Variants in ADAMTS16 observed in about 807,000 individuals in gnomAD.
ADAMTS16 encodes ADAM metallopeptidase with thrombospondin type 1 motif 16.
In ADAMTS16, 94 loss-of-function variants were observed where a neutral mutation model predicts 145.8. That is an observed-to-expected ratio of 0.64 (90% CI 0.55 to 0.77). The LOEUF (loss-of-function observed/expected upper bound fraction) is 0.77, where lower values mean the gene tolerates loss of function less well. Among genes scored for constraint, ADAMTS16 ranks in the 30% least tolerant of loss-of-function variants. The pLI is 0.00. For missense variants in ADAMTS16, 1,585 were observed against 1,591.5 expected (o/e 1.00, Z 0.07); for synonymous variants, 659 against 604.3 (o/e 1.09, Z -1.33).
At chr5:5,304,503 A>G (rs895670491) in intron 20 of ADAMTS16, among the ~76,000 whole-genome samples, 3 of 152,086 alleles carry the variant, frequency 2.0e-5, no homozygotes, top group Non-Finnish European at 4.4e-5. Flanking sequence ...GATCACCGTA[A>G]CCCAGAGCTG....
chr5:5,194,947 G>A (rs755487373), intron 8 of ADAMTS16, among the ~76,000 whole-genome samples: 2 of 152,178 alleles, frequency 1.3e-5, no homozygotes, highest in African/African-American at 2.4e-5. Context: ...TATTTGGGAT[G>A]GAGGAGTACT....
intron 3 of ADAMTS16, among the ~76,000 whole-genome samples, chr5:5,163,488 G>C (rs1734792125): frequency 6.6e-6 from 1 of 152,192 alleles, no homozygotes; most frequent in Non-Finnish European, 1.5e-5. Context: ...ACTGGGGCTG[G>C]AATTTATGAA....
intron 11 of ADAMTS16, among the ~76,000 whole-genome samples, chr5:5,228,625 A>G (rs1736834004): frequency 1.3e-5 from 2 of 152,174 alleles, no homozygotes; most frequent in Middle Eastern, 3.2e-3. Flanking sequence ...CAATAAAAGG[A>G]GCCAGAACTT....
chr5:5,198,914 G>T (rs901885999), intron 8 of ADAMTS16, among the ~76,000 whole-genome samples: 5 of 152,148 alleles, frequency 3.3e-5, no homozygotes, highest in African/African-American at 1.2e-4. Flanking sequence ...GTCCTTCTTT[G>T]CTTTCCCTCT....
chr5:5,145,302 C>T (rs1212028912), intron 2 of ADAMTS16, among the ~76,000 whole-genome samples: 1 of 152,218 alleles, frequency 6.6e-6, no homozygotes, highest in Non-Finnish European at 1.5e-5. Flanking sequence ...CAAAGCTCAT[C>T]ATTTCATAAT....
At chr5:5,238,414 T>C (rs1579332728) in intron 14 of ADAMTS16, among the ~76,000 whole-genome samples, 1 of 152,306 alleles carries the variant, frequency 6.6e-6, no homozygotes, top group South Asian at 2.1e-4. Context: ...CCCTAAGCCC[T>C]TGTGGGATTC....
chr5:5,261,363 C>T (rs1738014060), intron 17 of ADAMTS16, among the ~76,000 whole-genome samples: 1 of 152,226 alleles, frequency 6.6e-6, no homozygotes, highest in African/African-American at 2.4e-5. Context: ...GTCTCAAACT[C>T]CTGGACTCAA....
intron 2 of ADAMTS16, among the ~76,000 whole-genome samples, chr5:5,143,224 A>G (rs1734210432): frequency 6.6e-6 from 1 of 152,250 alleles, no homozygotes; most frequent in African/African-American, 2.4e-5. Flanking sequence ...GTTGTAATCT[A>G]TCCATCTGAC....
intron 2 of ADAMTS16, among the ~76,000 whole-genome samples, chr5:5,143,361 A>C (rs1734215084): frequency 6.6e-6 from 1 of 152,268 alleles, no homozygotes; most frequent in Non-Finnish European, 1.5e-5. Context: ...TTATGCGGCC[A>C]ACAAACATAT....
rs76694171 is a variant in ADAMTS16 at position 5,200,276 on chromosome 5, A to C, written c.1451+7A>C. 6,942 of 1,613,410 alleles carry C rather than the reference A, an allele frequency of 4.3e-3. 165 individuals carry two copies. In the African/African-American group the frequency reaches 0.059, roughly 14 times the overall value. ...ATCTACACAAATTTCTAAGGTAGGAACTCTTTAAGCTGGTCTTGTGATCTT... is the reference window on the plus strand; with the variant it reads ...ATCTACACAAATTTCTAAGGTAGGACCTCTTTAAGCTGGTCTTGTGATCTT... On this transcript the variant is annotated splice_region_variant and intron_variant, in intron 9 of 22. Coordinates refer to ENST00000274181, the MANE Select transcript of ADAMTS16 (RefSeq NM_139056.4).
intron 18 of ADAMTS16, among the ~76,000 whole-genome samples, chr5:5,266,474 C>T (rs970536991): frequency 1.2e-4 from 18 of 152,234 alleles, no homozygotes; most frequent in Non-Finnish European, 1.9e-4. Flanking sequence ...CGGGCCTCCG[C>T]CCTACCGCAT....
intron 17 of ADAMTS16, among the ~76,000 whole-genome samples, chr5:5,257,235 A>T (rs1196203931): frequency 6.6e-6 from 1 of 152,176 alleles, no homozygotes; most frequent in East Asian, 1.9e-4. Context: ...TATTTTGATA[A>T]TGTTTGGGGG....
intron 10 of ADAMTS16, among the ~76,000 whole-genome samples, chr5:5,221,256 T>C (rs1038340480): frequency 6.6e-6 from 1 of 152,158 alleles, no homozygotes; most frequent in Admixed American, 6.5e-5. Flanking sequence ...GCATACATTT[T>C]TTTTAATCTC....
chr5:5,305,289 ACAC>A (rs1477010656), intron 20 of ADAMTS16, among the ~76,000 whole-genome samples: 2 of 77,050 alleles, frequency 2.6e-5, no homozygotes, highest in Non-Finnish European at 4.8e-5. Flanking sequence ...CACACATCCC[ACAC>A]CACACACACA....
At chr5:5,238,835 A>G (rs1737197099) in intron 14 of ADAMTS16, among the ~76,000 whole-genome samples, 1 of 152,196 alleles carries the variant, frequency 6.6e-6, no homozygotes, top group Non-Finnish European at 1.5e-5. Context: ...TCATTGTACT[A>G]AGCCCTTTAG....
At position 5,146,365 on chromosome 5, in the gene ADAMTS16, G is replaced by C. The variant is rs751761275; in HGVS notation, c.411G>C (p.Gln137His). The C allele has an allele frequency of 1.9e-6, 3 of 1,614,050 alleles. No homozygotes were observed. The highest frequency in any genetic ancestry group is 2.7e-5 in the African/African-American group (2 of 74,904). ...GAAAGACAGGCACTAAGTCTGTGCA[G>C]ACTTTACCGCCAGAGGACTTCTGTT... is the stretch of plus-strand genomic sequence containing the variant. Reference protein sequence around the residue: ...TLGKTGTKSVQTLPPEDFCFY... With the variant: ...TLGKTGTKSVHTLPPEDFCFY... Residue 137 changes from glutamine (Q) to histidine (H), a missense_variant, in exon 3 of 23, where the codon CAG becomes CAC. Transcript: ENST00000274181.
chr5:5,287,118 CA>C (rs1370120406), intron 18 of ADAMTS16, among the ~76,000 whole-genome samples: 1 of 152,120 alleles, frequency 6.6e-6, no homozygotes, highest in African/African-American at 2.4e-5. Context: ...TTAATCTTCT[CA>C]AAGTGCCACA....
At chr5:5,222,697 T>G in intron 10 of ADAMTS16, 92 bp from the exon 11 acceptor site, 1 of 1,061,642 alleles carries the variant, frequency 9.4e-7, no homozygotes, top group Non-Finnish European at 1.4e-6. Context: ...TTATATCTGT[T>G]GTTTTCACCT....
chr5:5,176,058 TGAG>T (rs149399896), intron 3 of ADAMTS16: 7,397 of 152,376 alleles, frequency 0.049, 388 homozygotes, highest in African/African-American at 0.13. Flanking sequence ...GGTGCTCCTG[TGAG>T]GAGGAGGTTT....
Sources: gnomAD v4.1 joint callset for allele counts (sites outside exome capture counted in the v4.1 genomes callset) on GRCh38, gnomAD v4.1.1 for gene constraint, MANE v1.5 for transcripts, NCBI Gene and HGNC (gene_info 2026-07-23, HGNC 2026-07-21) for gene names.